TLK1: variants seen among roughly 807,000 people sequenced by gnomAD.
TLK1 encodes tousled like kinase 1.
TLK1 carries 24 observed loss-of-function variants against 105.3 expected under a neutral mutation model. The ratio of observed to expected loss-of-function variants is 0.23; its 90% CI spans 0.17 to 0.32. TLK1 has a LOEUF of 0.32. Ranked by LOEUF, TLK1 falls within the 10% of genes least tolerant of loss-of-function variation. TLK1 has a pLI of 1.00. For synonymous variants in TLK1, 321 were observed against 310.4 expected (o/e 1.03, Z -0.36); for missense variants, 558 against 910.5 (o/e 0.61, Z 4.98).
intron 11 of TLK1, among the ~76,000 whole-genome samples, chr2:171,043,078 G>C (rs989651130): frequency 2.6e-5 from 4 of 151,952 alleles, no homozygotes; most frequent in Non-Finnish European, 5.9e-5. Context: ...GAAGAATGGA[G>C]CAAACATGAA....
At chr2:171,021,996 A>G (rs1559347552) in intron 12 of TLK1, among the ~76,000 whole-genome samples, 1 of 151,446 alleles carries the variant, frequency 6.6e-6, no homozygotes. Context: ...CCAGCTACTC[A>G]GGAGGCTGAG....
At chr2:171,072,986 C>A (rs1313710642) in intron 3 of TLK1, among the ~76,000 whole-genome samples, 1 of 150,650 alleles carries the variant, frequency 6.6e-6, no homozygotes, top group Non-Finnish European at 1.5e-5. Context: ...ATAGCTATTG[C>A]AAATGGGATT....
intron 12 of TLK1, among the ~76,000 whole-genome samples, chr2:171,027,909 T>TC (rs1186238812): frequency 6.6e-6 from 1 of 152,190 alleles, no homozygotes; most frequent in East Asian, 1.9e-4. Flanking sequence ...ATGCCTGTAA[T>TC]CCCAGCACCT....
At chr2:171,110,376 G>A (rs1690110900) in intron 2 of TLK1, among the ~76,000 whole-genome samples, 1 of 152,258 alleles carries the variant, frequency 6.6e-6, no homozygotes, top group African/African-American at 2.4e-5. Context: ...GGCTGAGGCA[G>A]AAGAATCGCT....
At chr2:171,138,001 T>C (rs1691405082) in intron 1 of TLK1, among the ~76,000 whole-genome samples, 1 of 152,188 alleles carries the variant, frequency 6.6e-6, no homozygotes, top group Admixed American at 6.5e-5. Context: ...AAGTTATTTT[T>C]ACTTCATACA....
In TLK1 at chr2:171,050,169, G is replaced by T; in HGVS notation, c.738C>A (p.Asn246Lys). Residue 246 changes from asparagine (N) to lysine (K), a missense_variant, in exon 9 of 21, where the codon AAC becomes AAA. Asn to Lys is a moderately conservative substitution (Grantham distance 94). Around this residue, in one of 5 missense-constraint regions of TLK1, gnomAD observed 196 missense variants for 239.3 expected, o/e 0.82. Coordinates refer to ENST00000431350, the MANE Select transcript of TLK1 (RefSeq NM_012290.5). ...CATCTATTTGCCGTCTGAGATCACA[G>T]TTAGCCTATGACATAAGTAGAAAAT... is the stretch of plus-strand genomic sequence containing the variant. ...EGRIDDLLRA[N>K]CDLRRQIDEQ... is the part of the protein sequence containing the mutation. The T allele has an allele frequency of 1.3e-6, 2 of 1,593,706 alleles. No individual in the cohort carries two copies. The highest frequency in any genetic ancestry group is 1.7e-6 in the Non-Finnish European group (2 of 1,167,654).
At chr2:171,077,857 T>C (rs1688582603) in intron 3 of TLK1, among the ~76,000 whole-genome samples, 1 of 152,234 alleles carries the variant, frequency 6.6e-6, no homozygotes, top group African/African-American at 2.4e-5. Context: ...AAATTTTCAT[T>C]GTGAATTCAT....
At chr2:171,145,474 C>T (rs964353895) in intron 1 of TLK1, among the ~76,000 whole-genome samples, 2 of 150,188 alleles carry the variant, frequency 1.3e-5, no homozygotes, top group Non-Finnish European at 3.0e-5. Context: ...CCTGTAATCC[C>T]GGCTACTCGG....
chr2:171,085,873 A>C (rs780707217), intron 2 of TLK1, among the ~76,000 whole-genome samples: 1 of 152,238 alleles, frequency 6.6e-6, no homozygotes, highest in Non-Finnish European at 1.5e-5. Context: ...ATGCATGCAA[A>C]GTTAATAGTA....
chr2:171,106,463 A>G (rs1689930120), intron 2 of TLK1, among the ~76,000 whole-genome samples: 1 of 152,196 alleles, frequency 6.6e-6, no homozygotes, highest in South Asian at 2.1e-4. Context: ...AATATGTACA[A>G]TTACTCTATC....
At chr2:171,104,474 T>C (rs1487067385) in intron 2 of TLK1, among the ~76,000 whole-genome samples, 1 of 152,060 alleles carries the variant, frequency 6.6e-6, no homozygotes, top group Non-Finnish European at 1.5e-5. Flanking sequence ...GAAAATGACA[T>C]ACTACCAAAA....
intron 12 of TLK1, among the ~76,000 whole-genome samples, chr2:171,015,415 AACACACACACACACACACACACACACAC>A (rs56238853): frequency 2.4e-4 from 32 of 132,696 alleles, no homozygotes; most frequent in African/African-American, 8.5e-4. Context: ...TTGGAGTACA[AACACACACACACACACACACACACACAC>A]ACACACACAC....
At chr2:171,006,041 A>C in intron 18 of TLK1, 106 bp downstream of exon 18, 1 of 1,182,664 alleles carries the variant, frequency 8.5e-7, no homozygotes, top group Non-Finnish European at 1.1e-6. Context: ...TACCTTTACC[A>C]CAGTAATCTT....
chr2:171,145,514 C>T (rs1223338596), intron 1 of TLK1, among the ~76,000 whole-genome samples: 1 of 151,024 alleles, frequency 6.6e-6, no homozygotes, highest in African/African-American at 2.4e-5. Flanking sequence ...CATTTGAACC[C>T]GGGAAGCGGA....
At chr2:171,099,851 T>A (rs1288174786) in intron 2 of TLK1, among the ~76,000 whole-genome samples, 1 of 152,096 alleles carries the variant, frequency 6.6e-6, no homozygotes, top group African/African-American at 2.4e-5. Context: ...ATATGCAAAT[T>A]AACTCAAAAT....
chr2:171,093,305 C>T (rs187495749), intron 2 of TLK1, among the ~76,000 whole-genome samples: 2 of 152,116 alleles, frequency 1.3e-5, no homozygotes, highest in South Asian at 4.1e-4. Flanking sequence ...TAGGTACACA[C>T]AGGTGTTGAA....
intron 18 of TLK1, among the ~76,000 whole-genome samples, chr2:171,000,906 A>C (rs1260023949): frequency 6.6e-6 from 1 of 152,086 alleles, no homozygotes; most frequent in Non-Finnish European, 1.5e-5. Context: ...CTCATCTGGC[A>C]CCAGTTTGGA....
intron 1 of TLK1, among the ~76,000 whole-genome samples, chr2:171,137,030 A>C (rs538505239): frequency 2.2e-4 from 34 of 152,216 alleles, no homozygotes; most frequent in Non-Finnish European, 4.0e-4. Context: ...CAACTCTTTT[A>C]AAACAGTTTA....
chr2:171,189,964 G>A (rs923466238), intron 1 of TLK1, among the ~76,000 whole-genome samples: 4 of 152,274 alleles, frequency 2.6e-5, no homozygotes, highest in African/African-American at 7.2e-5. Context: ...AAGGGCAGAA[G>A]GCATGTGCCA....
Sources: allele counts gnomAD v4.1 joint callset (sites outside exome capture counted in the v4.1 genomes callset), GRCh38; gene constraint gnomAD v4.1.1; regional missense constraint gnomAD v4.1.1; transcripts MANE v1.5; gene names NCBI Gene and HGNC (gene_info 2026-07-23, HGNC 2026-07-21).